MMUT: variants seen among roughly 807,000 people sequenced by gnomAD.
The protein encoded by MMUT is methylmalonyl-CoA mutase.
In MMUT, 79 loss-of-function variants were observed where a neutral mutation model predicts 79.9. That is an observed-to-expected ratio of 0.99 (90% CI 0.82 to 1.19). The LOEUF is 1.19. Among genes scored for constraint, MMUT ranks in the 50% most tolerant of loss-of-function variants. The pLI, the probability that MMUT is intolerant of heterozygous loss-of-function variation, is 0.00. For missense variants in MMUT, 860 were observed against 917.2 expected (o/e 0.94, Z 0.81); for synonymous variants, 273 against 295.7 (o/e 0.92, Z 0.79).
intron 9 of MMUT, 95 bp from the exon 10 acceptor site, chr6:49,442,066 A>G: frequency 7.6e-7 from 1 of 1,310,702 alleles, no homozygotes; most frequent in Non-Finnish European, 1.1e-6. Flanking sequence ...ATTTTATTAC[A>G]TAAGTAAATG....
Position 49,435,457 on chromosome 6 carries a change from T to C in MMUT, c.2123A>G (p.Gln708Arg), listed in dbSNP as rs769217429. 7 of 1,613,040 alleles carry C rather than the reference T, an allele frequency of 4.3e-6. No homozygotes were observed. The African/African-American group carries it at 6.7e-5, about 15-fold the overall frequency. The change falls in exon 12 of 13, where the codon CAG becomes CGG. Residue 708 changes from glutamine to arginine, a missense_variant and splice_region_variant. Physicochemically the swap from Gln to Arg is conservative, Grantham distance 43. Transcript: ENST00000274813. Reference sequence around the variant, plus strand: ...TAGAAAAATAGAGATAAAAAATACCTGAGGTGGTATCACCCCTCCACACAT... The same window carrying C: ...TAGAAAAATAGAGATAAAAAATACCCGAGGTGGTATCACCCCTCCACACAT... ...LVMCGGVIPPQDYEFLFEVGV... is the reference protein window; with the variant it reads ...LVMCGGVIPPRDYEFLFEVGV...
chr6:49,454,984 T>C (rs1242966989), intron 4 of MMUT, among the ~76,000 whole-genome samples: 4 of 152,134 alleles, frequency 2.6e-5, no homozygotes, highest in Non-Finnish European at 5.9e-5. Context: ...AGGCTGAGGC[T>C]GCAATGAGCA....
At chr6:49,453,837 T>C (rs1767620445) in intron 4 of MMUT, 81 bp from the exon 5 acceptor site, 2 of 1,204,494 alleles carry the variant, frequency 1.7e-6, no homozygotes, top group Non-Finnish European at 2.4e-6. Flanking sequence ...TATCACACAC[T>C]AGAAAATCAA....
intron 11 of MMUT, among the ~76,000 whole-genome samples, chr6:49,438,530 G>C (rs1388213400): frequency 6.6e-6 from 1 of 152,084 alleles, no homozygotes; most frequent in Non-Finnish European, 1.5e-5. Context: ...GGCATAATCA[G>C]TTTTAGTTCT....
At chr6:49,439,573 C>CCAGAGTAACA (rs1333261060) in intron 11 of MMUT, among the ~76,000 whole-genome samples, 4 of 152,110 alleles carry the variant, frequency 2.6e-5, no homozygotes, top group Non-Finnish European at 5.9e-5. Flanking sequence ...GATAAATAGG[C>CCAGAGTAACA]CAGAGTAACA....
chr6:49,441,979 A>G lies in MMUT; in HGVS notation c.1677-8T>C, dbSNP rs762465961. ...ATTTCTCCCACTGTACATCTGAAAC[A>G]TGAAATGGTGGTTCCATTAACTTCA... is the stretch of plus-strand genomic sequence containing the variant. On this transcript the variant is annotated splice_polypyrimidine_tract_variant and splice_region_variant and intron_variant, in intron 9 of 12. Coordinates refer to ENST00000274813, the MANE Select transcript of MMUT (RefSeq NM_000255.4). The G allele has an allele frequency of 6.2e-7, 1 of 1,607,710 alleles. No homozygotes were observed. The highest frequency in any genetic ancestry group is 1.1e-5 in the South Asian group (1 of 90,952).
Position 49,441,890 on chromosome 6 carries a change from T to A in MMUT, c.1758A>T (p.Ala586=). ...TACTTTCTCCAAATTCCTGGCGATA[T>A]GCTCCACTCACCATTCGATCATTCG... is the stretch of plus-strand genomic sequence containing the variant. ...HKANDRMVSG[A]YRQEFGESKE... The change falls in exon 10 of 13, where the codon GCA becomes GCT. Residue 586 remains alanine (A), a synonymous_variant. Transcript: ENST00000274813. 1.2e-6 allele frequency: 2 copies of A among 1,612,338 alleles called. No individual in the cohort carries two copies. The highest frequency in any genetic ancestry group is 1.7e-6 in the Non-Finnish European group (2 of 1,178,842).
intron 11 of MMUT, among the ~76,000 whole-genome samples, chr6:49,438,134 A>G (rs899903201): frequency 1.3e-5 from 2 of 152,166 alleles, no homozygotes; most frequent in Admixed American, 1.3e-4. Context: ...ATCCTACTCA[A>G]CTCAGAGCCT....
chr6:49,446,948 T>C (rs572452712), intron 8 of MMUT, among the ~76,000 whole-genome samples: 13 of 151,898 alleles, frequency 8.6e-5, no homozygotes, highest in African/African-American at 2.9e-4. Context: ...GCTCCCTACC[T>C]TGGAAACAGC....
At chr6:49,439,521 A>G (rs1005053138) in intron 11 of MMUT, among the ~76,000 whole-genome samples, 16 of 152,092 alleles carry the variant, frequency 1.1e-4, no homozygotes, top group Admixed American at 9.8e-4. Context: ...GCCTTCTCCT[A>G]TTCTGGACCC....
intron 1 of MMUT, among the ~76,000 whole-genome samples, chr6:49,460,668 T>C (rs1767819878): frequency 6.6e-6 from 1 of 152,212 alleles, no homozygotes; most frequent in Admixed American, 6.5e-5. Context: ...GAGCCCATTG[T>C]TTAAAAAGAT....
In MMUT at chr6:49,457,790, T is replaced by G. The variant is rs1446389693; in HGVS notation, c.654A>C (p.Gln218His). The G allele has an allele frequency of 1.2e-5, 19 of 1,613,404 alleles. No homozygotes were observed. Among genetic ancestry groups the G allele is most frequent in the Non-Finnish European group, 1.6e-5 (19 of 1,179,534 alleles). The change falls in exon 3 of 13, where the codon CAA (glutamine) becomes CAC (histidine). Residue 218 changes from glutamine to histidine, a missense_variant. Gln to His is a conservative substitution (Grantham distance 24). Transcript: ENST00000274813. ...CCATAAATTCCTTTAGTATATCATT[T>G]TGGATGGTACCAGTAAGCTTCTCTT... ...VPKEKLTGTI[Q>H]NDILKEFMVR...
At chr6:49,438,367 C>T (rs1289234859) in intron 11 of MMUT, among the ~76,000 whole-genome samples, 1 of 151,964 alleles carries the variant, frequency 6.6e-6, no homozygotes, top group Non-Finnish European at 1.5e-5. Context: ...ACGAAAATAA[C>T]CTTACTTATG....
At chr6:49,451,430 AT>A (rs1216327116) in intron 6 of MMUT, 35 bp downstream of exon 6, 2 of 1,607,792 alleles carry the variant, frequency 1.2e-6, no homozygotes, top group Non-Finnish European at 1.7e-6. Flanking sequence ...AAATCTGTAA[AT>A]TCTGAAAACA....
At chr6:49,462,640 T>C (rs1767884165) in intron 1 of MMUT, among the ~76,000 whole-genome samples, 1 of 152,184 alleles carries the variant, frequency 6.6e-6, no homozygotes. Context: ...TAACACTGTT[T>C]ACACTCTTAA....
At chr6:49,433,826 T>A (rs1009059400) in intron 12 of MMUT, among the ~76,000 whole-genome samples, 1 of 152,122 alleles carries the variant, frequency 6.6e-6, no homozygotes, top group Admixed American at 6.6e-5. Flanking sequence ...TGCAAACAAA[T>A]AGTGAGAAAA....
rs369071598 is a variant in MMUT at position 49,431,868 on chromosome 6, A to T, written c.2125-12T>A. 6.2e-7 allele frequency: 1 copy of T among 1,612,268 alleles called. No individual in the cohort carries two copies. Among genetic ancestry groups the T allele is most frequent in the Non-Finnish European group, 8.5e-7 (1 of 1,178,486 alleles). On this transcript the variant is annotated splice_polypyrimidine_tract_variant and intron_variant, in intron 12 of 12. Transcript: ENST00000274813. The stretch of plus-strand genomic sequence containing the variant: ...AGAAATTCATAATCCTGTTGAAAGA[A>T]TGTGTTTAATTAATAAGAGCCACTA...
At chr6:49,453,212 T>A (rs1767600964) in intron 5 of MMUT, among the ~76,000 whole-genome samples, 1 of 151,950 alleles carries the variant, frequency 6.6e-6, no homozygotes, top group Non-Finnish European at 1.5e-5. Context: ...CAACTAATTT[T>A]GTATTTTTAG....
In MMUT at chr6:49,441,677, T is replaced by G. The variant is rs980816709; in HGVS notation, c.1808+163A>C. Among the ~76,000 whole-genome samples the G allele has an allele frequency of 2.0e-5, 3 of 146,714 alleles. No homozygotes were observed. The Admixed American group carries it at 2.1e-4, about 10-fold the overall frequency. On this transcript the variant is annotated intron_variant, in intron 10 of 12. Coordinates refer to ENST00000274813, the MANE Select transcript of MMUT (RefSeq NM_000255.4). ...AATGAATAAATTATATACTCTATTATATGTTATATAGTCTATATAATTAAT... is the reference window on the plus strand; with the variant it reads ...AATGAATAAATTATATACTCTATTAGATGTTATATAGTCTATATAATTAAT...
Sources: gnomAD v4.1 joint callset for allele counts (sites outside exome capture counted in the v4.1 genomes callset) on GRCh38, gnomAD v4.1.1 for gene constraint, MANE v1.5 for transcripts, NCBI Gene and HGNC (gene_info 2026-07-23, HGNC 2026-07-21) for gene names.